The following CYTH3 variants were observed in gnomAD, a reference collection of about 807,000 sequenced individuals.
CYTH3 encodes the protein cytohesin-3.
Under a neutral mutation model 55.1 loss-of-function variants are expected in CYTH3, and 23 were observed. The observed-to-expected ratio is 0.42, with a 90% confidence interval of 0.30 to 0.59. The LOEUF is 0.59. CYTH3 is among the 20% of genes least tolerant of loss of function. The pLI is 0.20. For synonymous variants in CYTH3, 249 were observed against 194.9 expected, an observed-to-expected ratio of 1.28 and a Z score of -2.31; for missense variants, 413 against 524.8, an observed-to-expected ratio of 0.79 and a Z score of 2.08.
chr7:6,234,967 T>C (rs1469071148), intron 1 of CYTH3, among the ~76,000 whole-genome samples: 2 of 152,236 alleles, frequency 1.3e-5, no homozygotes, highest in Non-Finnish European at 2.9e-5. Flanking sequence ...TGAGAGCCTC[T>C]GATCCCTCAC....
chr7:6,189,383 A>G, intron 2 of CYTH3, among the ~76,000 whole-genome samples: 1 of 151,360 alleles, frequency 6.6e-6, no homozygotes, highest in Middle Eastern at 3.2e-3. Flanking sequence ...ATCACAGTTC[A>G]CTGTAGCCTC....
In CYTH3 at chr7:6,187,089, T is replaced by C. The variant is rs1157347949; in HGVS notation, c.210A>G (p.Ile70Met). The change falls in exon 4 of 13, where the codon ATA becomes ATG. Residue 70 changes from isoleucine (I) to methionine (M), a missense_variant. Physicochemically the swap from Ile to Met is conservative, Grantham distance 10. This residue lies in a region of CYTH3 where 152 missense variants were observed against 148.1 expected (regional missense o/e 1.03). Coordinates refer to ENST00000350796, the MANE Select transcript of CYTH3 (RefSeq NM_004227.4). ...TGTTGAATTTCTTTCTTCCCATGGC[T>C]ATCTGTTTGTTCCTCTGAGTCGTTT... is the stretch of plus-strand genomic sequence containing the variant. ...ESKTTQRNKQ[I>M]AMGRKKFNMD... 3 of 1,614,094 alleles carry C rather than the reference T, an allele frequency of 1.9e-6. No homozygotes were observed. Among genetic ancestry groups the C allele is most frequent in the South Asian group, 1.1e-5 (1 of 91,092 alleles).
At chr7:6,227,634 G>A (rs138753746) in intron 1 of CYTH3, among the ~76,000 whole-genome samples, 6 of 152,288 alleles carry the variant, frequency 3.9e-5, no homozygotes, top group Non-Finnish European at 4.4e-5. Flanking sequence ...CTTTGCCAAG[G>A]CTGGAAAACC....
At chr7:6,265,821 T>G (rs779923285) in intron 1 of CYTH3, among the ~76,000 whole-genome samples, 1 of 151,972 alleles carries the variant, frequency 6.6e-6, no homozygotes, top group African/African-American at 2.4e-5. Context: ...GGGAGAACCA[T>G]GAGAAGGCTT....
intron 1 of CYTH3, among the ~76,000 whole-genome samples, chr7:6,246,248 T>C (rs925899746): frequency 6.7e-6 from 1 of 149,550 alleles, no homozygotes; most frequent in African/African-American, 2.5e-5. Flanking sequence ...TTTTTTTTTT[T>C]AAAAGAGACA....
At chr7:6,203,169 T>C (rs537659694) in intron 1 of CYTH3, among the ~76,000 whole-genome samples, 1 of 151,708 alleles carries the variant, frequency 6.6e-6, no homozygotes, top group South Asian at 2.1e-4. Context: ...CAGATGTACA[T>C]GTAAAAATAA....
intron 4 of CYTH3, 150 bp from the exon 5 acceptor site, chr7:6,178,091 T>C: frequency 1.7e-6 from 1 of 596,580 alleles, no homozygotes; most frequent in Non-Finnish European, 3.0e-6. Flanking sequence ...AATCTGATTT[T>C]CCCAAATCCA....
At chr7:6,240,292 CAAAAAA>C (rs60884841) in intron 1 of CYTH3, among the ~76,000 whole-genome samples, 1 of 60,568 alleles carries the variant, frequency 1.7e-5, no homozygotes, top group African/African-American at 4.5e-5. Context: ...GACTCCATCT[CAAAAAA>C]AAAAAAAAAA....
intron 1 of CYTH3, among the ~76,000 whole-genome samples, chr7:6,260,740 C>G (rs1780333412): frequency 6.6e-6 from 1 of 152,180 alleles, no homozygotes; most frequent in Non-Finnish European, 1.5e-5. Context: ...GGTTACCCTC[C>G]CAGTCCCCTT....
At chr7:6,247,696 T>C (rs1300242407) in intron 1 of CYTH3, among the ~76,000 whole-genome samples, 2 of 152,074 alleles carry the variant, frequency 1.3e-5, no homozygotes, top group South Asian at 4.1e-4. Context: ...CAGGCTGGAG[T>C]GCAGTGCTAC....
At chr7:6,174,533 T>C (rs1783285595) in intron 5 of CYTH3, among the ~76,000 whole-genome samples, 2 of 150,118 alleles carry the variant, frequency 1.3e-5, no homozygotes, top group Non-Finnish European at 3.0e-5. Flanking sequence ...TGGTATCTCC[T>C]TGTGGGTTTT....
At chr7:6,254,183 C>G (rs1460033786) in intron 1 of CYTH3, among the ~76,000 whole-genome samples, 4 of 151,526 alleles carry the variant, frequency 2.6e-5, no homozygotes, top group Non-Finnish European at 4.4e-5. Flanking sequence ...GACTCCACCT[C>G]AAAAACAAAC....
At chr7:6,217,870 G>C (rs1003610473) in intron 1 of CYTH3, among the ~76,000 whole-genome samples, 12 of 152,016 alleles carry the variant, frequency 7.9e-5, no homozygotes, top group African/African-American at 2.2e-4. Flanking sequence ...ATAGAATTAA[G>C]AATTTTAGAT....
chr7:6,190,259 A>G (rs956447815), intron 2 of CYTH3, among the ~76,000 whole-genome samples, 190 bp downstream of exon 2: 6 of 150,266 alleles, frequency 4.0e-5, no homozygotes, highest in African/African-American at 9.8e-5. Flanking sequence ...TGCTTTCCCA[A>G]CTTGATAACT....
intron 1 of CYTH3, among the ~76,000 whole-genome samples, chr7:6,259,607 G>C (rs1780226178): frequency 6.7e-6 from 1 of 148,378 alleles, no homozygotes. Context: ...TGTTAATTGG[G>C]TACCTGACAT....
intron 1 of CYTH3, among the ~76,000 whole-genome samples, chr7:6,240,412 T>C (rs1583188806): frequency 7.3e-6 from 1 of 137,442 alleles, no homozygotes; most frequent in African/African-American, 2.7e-5. Flanking sequence ...ACTCTGAAAA[T>C]AAAGAAAAAT....
At chr7:6,218,107 A>G (rs1216970500) in intron 1 of CYTH3, among the ~76,000 whole-genome samples, 2 of 149,226 alleles carry the variant, frequency 1.3e-5, no homozygotes, top group Non-Finnish European at 3.0e-5. Flanking sequence ...TGAGCCGGGG[A>G]GGTGGGAGGT....
At chr7:6,271,900 TG>T (rs1221691465) in intron 1 of CYTH3, among the ~76,000 whole-genome samples, 6 of 152,232 alleles carry the variant, frequency 3.9e-5, no homozygotes, top group Non-Finnish European at 1.5e-5. Context: ...GAACTCCAGC[TG>T]GCCCCCTCCC....
intron 11 of CYTH3, 55 bp downstream of exon 11, chr7:6,165,490 T>C (rs1475172278): frequency 2.5e-6 from 4 of 1,609,292 alleles, no homozygotes; most frequent in East Asian, 2.2e-5. Context: ...CTGCAGGCAG[T>C]GAGGATGGCT....
Sources: allele counts gnomAD v4.1 joint callset (sites outside exome capture counted in the v4.1 genomes callset), GRCh38; gene constraint gnomAD v4.1.1; regional missense constraint gnomAD v4.1.1; transcripts MANE v1.5; gene names NCBI Gene and HGNC (gene_info 2026-07-23, HGNC 2026-07-21).